The following PAK1IP1 variants were observed in gnomAD, a reference collection of about 807,000 sequenced individuals.
PAK1IP1 encodes the protein PAK1 interacting protein 1, also known as p21-activated protein kinase-interacting protein 1.
PAK1IP1 carries 24 observed loss-of-function variants against 42.0 expected under a neutral mutation model. The observed-to-expected ratio is 0.57, with a 90% CI of 0.41 to 0.80. The LOEUF is 0.80. Among genes scored for constraint, PAK1IP1 ranks in the 30% least tolerant of loss-of-function variants. PAK1IP1 has a pLI of 0.00. For synonymous variants in PAK1IP1, 154 were observed against 156.7 expected, an observed-to-expected ratio of 0.98 and a Z score of 0.13; for missense variants, 411 against 467.9, an observed-to-expected ratio of 0.88 and a Z score of 1.12.
At chr6:10,694,969 G>C, upstream of PAK1IP1, 1 of 1,579,530 alleles carries the variant, frequency 6.3e-7, no homozygotes, top group Non-Finnish European at 8.6e-7. Flanking sequence ...TGGCGGAAGA[G>C]GCACGTGCGC....
rs1259378722 is a variant in PAK1IP1 at position 10,709,608 on chromosome 6, A to ATTTT, written c.*156_*157insTTTT. The ATTTT allele has an allele frequency of 5.1e-5, 22 of 428,012 alleles. No individual in the cohort carries two copies. The highest frequency in any genetic ancestry group is 4.8e-4 in the African/African-American group (22 of 46,108). The allele number at this position is 428,012 out of a possible 1,614,324, so 26.5% of individuals were successfully genotyped here. A position where few individuals can be genotyped will look rare whatever the true frequency, so the allele number is the denominator to read the frequency against. On this transcript the variant is annotated 3_prime_UTR_variant, in exon 10 of 10. Transcript: ENST00000379568. ...CACTTTTAGATGGTTTTTTTTAAAA[A>ATTTT]AAAAAAAAAAACTGGTAAAATTACT...
rs1159204433 is a variant in PAK1IP1 at position 10,699,297 on chromosome 6, CAG to C, written c.247+1816_247+1817del. ...TACAAAAGCAGGTGGAGTGTGAGTGCAGAGAGGCATGAAAGGGATGGGAAGAT... is the reference window on the plus strand; with the variant it reads ...TACAAAAGCAGGTGGAGTGTGAGTGCAGAGGCATGAAAGGGATGGGAAGAT... On this transcript the variant is annotated intron_variant, in intron 2 of 9. Coordinates refer to ENST00000379568, the MANE Select transcript of PAK1IP1 (RefSeq NM_017906.3). 5.3e-5 allele frequency among the ~76,000 whole-genome samples: 8 copies of C among 151,212 alleles called. No individual in the cohort carries two copies. In the South Asian group the frequency reaches 1.7e-3, roughly 32 times the overall value.
chr6:10,703,629 A>G (rs1431772260), intron 5 of PAK1IP1, among the ~76,000 whole-genome samples, 172 bp downstream of exon 5: 1 of 152,192 alleles, frequency 6.6e-6, no homozygotes, highest in Non-Finnish European at 1.5e-5. Flanking sequence ...AATTATTTAA[A>G]ATATTGTGTA....
rs1307001345 is a variant in PAK1IP1 at position 10,709,237 on chromosome 6, G to A, written c.965-1G>A. 8 of 1,595,552 alleles carry A rather than the reference G, an allele frequency of 5.0e-6. No homozygotes were observed. Among genetic ancestry groups the A allele is most frequent in the African/African-American group, 4.1e-5 (3 of 73,512 alleles). On this transcript the variant is annotated splice_acceptor_variant, in intron 9 of 9. Transcript: ENST00000379568. LOFTEE classifies it high-confidence loss of function. The stretch of plus-strand genomic sequence containing the variant: ...TAAAAGCACTCTCTTTTGTGTTTTA[G>A]TAAGTAAAGAACAGTCCAAAATTGG...
chr6:10,693,038 A>G (rs1769485032), upstream of PAK1IP1, among the ~76,000 whole-genome samples: 1 of 151,788 alleles, frequency 6.6e-6, no homozygotes, highest in Non-Finnish European at 1.5e-5. Flanking sequence ...TTTAAAGACT[A>G]ACTTACTTCA....
At chr6:10,696,510 G>A (rs969056499) in intron 1 of PAK1IP1, among the ~76,000 whole-genome samples, 3 of 152,112 alleles carry the variant, frequency 2.0e-5, no homozygotes, top group Non-Finnish European at 2.9e-5. Flanking sequence ...GTCATGCTTC[G>A]CACTCATCCA....
intron 2 of PAK1IP1, among the ~76,000 whole-genome samples, chr6:10,700,004 G>T (rs1446046703): frequency 2.0e-5 from 3 of 151,612 alleles, no homozygotes; most frequent in Admixed American, 6.6e-5. Flanking sequence ...GTAAGGTCAA[G>T]CTTGAGAGTT....
chr6:10,702,435 T>C lies in PAK1IP1; in HGVS notation c.314T>C (p.Ile105Thr). ...HLISGAEDGL[I>T]CIWDAKKWEC... Reference sequence around the variant, plus strand: ...ATCAGTGGAGCGGAAGATGGACTCATCTGTATCTGGGATGCAAAGAAATGG... The same window carrying C: ...ATCAGTGGAGCGGAAGATGGACTCACCTGTATCTGGGATGCAAAGAAATGG... The change falls in exon 3 of 10, where the codon ATC (isoleucine) becomes ACC (threonine). Residue 105 changes from isoleucine to threonine, a missense_variant. Coordinates refer to ENST00000379568, the MANE Select transcript of PAK1IP1 (RefSeq NM_017906.3). 6.2e-7 allele frequency: 1 copy of C among 1,613,872 alleles called. No individual in the cohort carries two copies. The highest frequency in any genetic ancestry group is 8.5e-7 in the Non-Finnish European group (1 of 1,179,750).
intron 1 of PAK1IP1, among the ~76,000 whole-genome samples, chr6:10,695,964 T>TG (rs368917518): frequency 0.04 from 5,086 of 127,204 alleles, 262 homozygotes; most frequent in African/African-American, 0.15. Context: ...TGCTATTTAA[T>TG]TTTTTTTTTT....
chr6:10,707,368 C>T (rs1324566877), intron 7 of PAK1IP1, 47 bp from the exon 8 acceptor site: 1 of 1,028,034 alleles, frequency 9.7e-7, no homozygotes, highest in Non-Finnish European at 1.5e-6. Flanking sequence ...CAATATTAGA[C>T]TATTTGGAGG....
upstream of PAK1IP1, chr6:10,694,930 G>A: frequency 3.4e-6 from 3 of 895,374 alleles, no homozygotes; most frequent in African/African-American, 1.9e-5. Context: ...TTTGGTTTCC[G>A]GTTCTGTCAC....
In PAK1IP1 at chr6:10,697,373, T is replaced by C; in HGVS notation, c.134T>C (p.Leu45Ser). The change falls in exon 2 of 10, where the codon TTG becomes TCG. Residue 45 changes from leucine to serine, a missense_variant. By Grantham distance (145) the Leu-to-Ser change is moderately radical (BLOSUM62 -2). Transcript: ENST00000379568. ...DFTHHAHTAS[L>S]SAVAVNSRFV... ...ACTCACCATGCTCACACTGCCTCCTTGTCAGCAGTAGCTGTAAATAGTCGT... is the reference window on the plus strand; with the variant it reads ...ACTCACCATGCTCACACTGCCTCCTCGTCAGCAGTAGCTGTAAATAGTCGT... The C allele has an allele frequency of 1.2e-6, 2 of 1,614,036 alleles. No homozygotes were observed. The highest frequency in any genetic ancestry group is 2.2e-5 in the South Asian group (2 of 91,082).
chr6:10,705,489 A>G lies in PAK1IP1; in HGVS notation c.740+645A>G, dbSNP rs573526487. Among the ~76,000 whole-genome samples, 14 of 152,288 alleles carry G rather than the reference A, an allele frequency of 9.2e-5. 1 individual carries two copies. The South Asian group carries it at 2.5e-3, about 27-fold the overall frequency. On this transcript the variant is annotated intron_variant, in intron 7 of 9. Transcript: ENST00000379568. ...TTCCCATCTACTTTTGTCCTTTTAC[A>G]TAAGTCCCCTTGCCTACTTCTTCCC...
In PAK1IP1 at chr6:10,709,066, G is replaced by C. The variant is rs1770299011; in HGVS notation, c.954G>C (p.Glu318Asp). The C allele has an allele frequency of 6.2e-7, 1 of 1,612,244 alleles. No individual in the cohort carries two copies. The highest frequency in any genetic ancestry group is 1.3e-5 in the African/African-American group (1 of 74,922). The stretch of plus-strand genomic sequence containing the variant: ...AAGAAAGCCTTCCTCCAGCTGCAGA[G>C]CCTTCTCCTGGTAATCGAATTTGAT... ...DMKESLPPAAEPSPVSKEQSK... is the reference protein window; with the variant it reads ...DMKESLPPAADPSPVSKEQSK... The change falls in exon 9 of 10, where the codon GAG (glutamate) becomes GAC (aspartate). Residue 318 changes from glutamate (E) to aspartate (D), a missense_variant. Glu to Asp is a conservative substitution (Grantham distance 45). Transcript: ENST00000379568.
In PAK1IP1 at chr6:10,697,389, A is replaced by G; in HGVS notation, c.150A>G (p.Val50=). 1 of 1,613,974 alleles carries G rather than the reference A, an allele frequency of 6.2e-7. No homozygotes were observed. The highest frequency in any genetic ancestry group is 1.3e-5 in the African/African-American group (1 of 75,020). The change falls in exon 2 of 10, where the codon GTA becomes GTG. Residue 50 remains valine (V), a synonymous_variant. Transcript: ENST00000379568. The part of the protein sequence containing the change: ...AHTASLSAVA[V]NSRFVVTGSK... The stretch of plus-strand genomic sequence containing the variant: ...CTGCCTCCTTGTCAGCAGTAGCTGT[A>G]AATAGTCGTTTTGTGGTCACTGGGA...
chr6:10,694,525 G>A (rs1428898240), upstream of PAK1IP1: 1 of 156,298 alleles, frequency 6.4e-6, no homozygotes, highest in African/African-American at 2.4e-5. Flanking sequence ...CGTTCCGCTG[G>A]TCCCTGAACA....
intron 5 of PAK1IP1, 91 bp downstream of exon 5, chr6:10,703,548 G>C: frequency 2.4e-6 from 2 of 837,090 alleles, no homozygotes; most frequent in Non-Finnish European, 3.9e-6. Context: ...GCACTGATGT[G>C]GTGCCTCAAG....
rs139264536 is a variant in PAK1IP1, at chr6:10,709,431, G to C, written c.1158G>C (p.Lys386Asn). 2.0e-5 allele frequency: 32 copies of C among 1,608,052 alleles called. No homozygotes were observed. The highest frequency in any genetic ancestry group is 2.6e-5 in the Non-Finnish European group (31 of 1,177,552). Residue 386 changes from lysine to asparagine, a missense_variant, in exon 10 of 10, where the codon AAG becomes AAC. Lys to Asn is a moderately conservative substitution (Grantham distance 94). Coordinates refer to ENST00000379568, the MANE Select transcript of PAK1IP1 (RefSeq NM_017906.3). Reference protein sequence around the residue: ...VEMLEKKRKKKKIKTMQ With the variant: ...VEMLEKKRKKNKIKTMQ ...TGTTGGAAAAGAAGAGGAAAAAGAA[G>C]AAAATAAAAACAATGCAGTGAATCA...
At chr6:10,707,000 T>A (rs1314116374) in intron 7 of PAK1IP1, among the ~76,000 whole-genome samples, 1 of 152,104 alleles carries the variant, frequency 6.6e-6, no homozygotes, top group Non-Finnish European at 1.5e-5. Flanking sequence ...TGAGAGTGGC[T>A]TAGACTAACA....
Sources: allele counts gnomAD v4.1 joint callset (sites outside exome capture counted in the v4.1 genomes callset), GRCh38; gene constraint gnomAD v4.1.1; transcripts MANE v1.5; gene names NCBI Gene and HGNC (gene_info 2026-07-23, HGNC 2026-07-21).